ZBTB7C: variants seen among roughly 807,000 people sequenced by gnomAD.
The protein encoded by ZBTB7C is zinc finger and BTB domain-containing protein 7C.
ZBTB7C carries 8 observed loss-of-function variants against 25.7 expected under a neutral mutation model. The observed-to-expected ratio is 0.31, with a 90% CI of 0.18 to 0.56. The LOEUF (loss-of-function observed/expected upper bound fraction) is 0.56. Among genes scored for constraint, ZBTB7C ranks in the 20% least tolerant of loss-of-function variants. The pLI, the probability that ZBTB7C is intolerant of heterozygous loss-of-function variation, is 0.91. For synonymous variants in ZBTB7C, 394 were observed against 369.0 expected (o/e 1.07, Z -0.78); for missense variants, 824 against 855.2 (o/e 0.96, Z 0.46).
At chr18:48,087,360 T>C (rs1271112474) in intron 3 of ZBTB7C, among the ~76,000 whole-genome samples, 1 of 152,268 alleles carries the variant, frequency 6.6e-6, no homozygotes, top group Non-Finnish European at 1.5e-5. Context: ...TCCTGCTGGC[T>C]AGGGCCAGGG....
In ZBTB7C at chr18:48,130,089, G is replaced by A. The variant is rs373036281; in HGVS notation, c.-17+55845C>T. ...TGCAGACAGGGTTAGGGGTGGAGTC[G>A]CCTTACCTACGTGCTGTGAATGCAG... is the stretch of plus-strand genomic sequence containing the variant. On this transcript the variant is annotated intron_variant, in intron 3 of 4. Transcript: ENST00000590800. Among the ~76,000 whole-genome samples, 13 of 152,248 alleles carry A rather than the reference G, an allele frequency of 8.5e-5. No homozygotes were observed. The East Asian group carries it at 9.7e-4, about 11-fold the overall frequency.
At chr18:48,399,405 A>G (rs1055307784) in intron 1 of ZBTB7C, among the ~76,000 whole-genome samples, 1 of 152,258 alleles carries the variant, frequency 6.6e-6, no homozygotes, top group Non-Finnish European at 1.5e-5. Flanking sequence ...AGTAATAAAA[A>G]ATCTGCTTTA....
intron 3 of ZBTB7C, among the ~76,000 whole-genome samples, chr18:48,136,091 G>C (rs181937708): frequency 6.6e-6 from 1 of 152,190 alleles, no homozygotes; most frequent in Non-Finnish European, 1.5e-5. Context: ...CGGCGGGCAG[G>C]GGGGCGTGGG....
At chr18:48,372,963 T>C (rs770875234) in intron 1 of ZBTB7C, among the ~76,000 whole-genome samples, 1 of 152,220 alleles carries the variant, frequency 6.6e-6, no homozygotes, top group African/African-American at 2.4e-5. Context: ...CCTTTCCTCC[T>C]GACCAGAGGC....
intron 3 of ZBTB7C, among the ~76,000 whole-genome samples, chr18:48,053,324 G>A (rs2036773453): frequency 6.6e-6 from 1 of 152,052 alleles, no homozygotes; most frequent in Non-Finnish European, 1.5e-5. Flanking sequence ...GGAATGGACA[G>A]GAACACAACT....
intron 2 of ZBTB7C, among the ~76,000 whole-genome samples, chr18:48,227,309 G>A (rs1306551451): frequency 6.6e-6 from 1 of 152,224 alleles, no homozygotes; most frequent in African/African-American, 2.4e-5. Flanking sequence ...CGGCCTGGCA[G>A]TTTAGAGGGC....
intron 2 of ZBTB7C, among the ~76,000 whole-genome samples, chr18:48,287,920 A>G (rs1428379945): frequency 6.6e-6 from 1 of 152,214 alleles, no homozygotes; most frequent in Non-Finnish European, 1.5e-5. Flanking sequence ...CCCTGACTTG[A>G]TAAGGCCATC....
At chr18:48,181,497 T>C (rs2041921962) in intron 3 of ZBTB7C, among the ~76,000 whole-genome samples, 3 of 152,124 alleles carry the variant, frequency 2.0e-5, no homozygotes, top group African/African-American at 7.2e-5. Context: ...TACCCCCATG[T>C]TATCCTTTCT....
intron 3 of ZBTB7C, among the ~76,000 whole-genome samples, chr18:48,069,753 C>G (rs549855106): frequency 6.6e-6 from 1 of 152,298 alleles, no homozygotes; most frequent in East Asian, 1.9e-4. Flanking sequence ...CCGCTACACT[C>G]TGAGTGGAGC....
intron 4 of ZBTB7C, among the ~76,000 whole-genome samples, chr18:48,037,628 A>G (rs770844237): frequency 6.6e-6 from 1 of 152,208 alleles, no homozygotes; most frequent in Non-Finnish European, 1.5e-5. Context: ...GTGGGGAAGA[A>G]GGGAGATGGG....
intron 1 of ZBTB7C, among the ~76,000 whole-genome samples, chr18:48,353,358 A>C (rs2046905503): frequency 6.6e-6 from 1 of 151,892 alleles, no homozygotes; most frequent in South Asian, 2.1e-4. Context: ...TGTACAGAAA[A>C]CCCTCCTTAT....
chr18:48,206,515 C>G (rs948745684), intron 2 of ZBTB7C, among the ~76,000 whole-genome samples: 2 of 152,042 alleles, frequency 1.3e-5, no homozygotes, highest in African/African-American at 4.8e-5. Context: ...AAAAAATTAG[C>G]TGGGCATGGT....
At chr18:48,162,050 G>A (rs1417159904) in intron 3 of ZBTB7C, among the ~76,000 whole-genome samples, 2 of 152,170 alleles carry the variant, frequency 1.3e-5, no homozygotes, top group South Asian at 2.1e-4. Flanking sequence ...ACCCCGCAGG[G>A]GGCGAGGCGG....
At chr18:48,305,317 A>T (rs1271767653) in intron 2 of ZBTB7C, among the ~76,000 whole-genome samples, 1 of 152,174 alleles carries the variant, frequency 6.6e-6, no homozygotes, top group Non-Finnish European at 1.5e-5. Flanking sequence ...CCAAAACAAA[A>T]GGTTAAATAG....
At chr18:48,250,219 T>A (rs1271455241) in intron 2 of ZBTB7C, among the ~76,000 whole-genome samples, 1 of 152,172 alleles carries the variant, frequency 6.6e-6, no homozygotes, top group Non-Finnish European at 1.5e-5. Flanking sequence ...AGAATGGGAT[T>A]GGGGGTCCAG....
Position 48,074,549 on chromosome 18 carries a change from C to T in ZBTB7C, c.-16-33426G>A, listed in dbSNP as rs78095491. On this transcript the variant is annotated intron_variant, in intron 3 of 4. Transcript: ENST00000590800. Reference sequence around the variant, plus strand: ...GAGAGCCCAGCAGCTCAGAACCGCACAGCCCTGTGTGGGCAGCTGTGTGCT... The same window carrying T: ...GAGAGCCCAGCAGCTCAGAACCGCATAGCCCTGTGTGGGCAGCTGTGTGCT... Among the ~76,000 whole-genome samples the T allele has an allele frequency of 6.7e-3, 1,021 of 152,346 alleles. 13 individuals carry two copies. The highest frequency in any genetic ancestry group is 0.024 in the African/African-American group (982 of 41,570).
At chr18:48,073,515 C>T (rs1466430872) in intron 3 of ZBTB7C, among the ~76,000 whole-genome samples, 4 of 152,110 alleles carry the variant, frequency 2.6e-5, no homozygotes, top group African/African-American at 9.7e-5. Context: ...GGGGCTGGGA[C>T]AGGCGCAGGG....
At chr18:48,198,395 T>A (rs1013123400) in intron 2 of ZBTB7C, among the ~76,000 whole-genome samples, 1 of 152,182 alleles carries the variant, frequency 6.6e-6, no homozygotes, top group Non-Finnish European at 1.5e-5. Flanking sequence ...CCAAGTGGCA[T>A]AAGACAACAC....
chr18:48,169,019 C>G (rs562854870), intron 3 of ZBTB7C, among the ~76,000 whole-genome samples: 1 of 152,334 alleles, frequency 6.6e-6, no homozygotes, highest in Non-Finnish European at 1.5e-5. Flanking sequence ...TGCAACTGGT[C>G]TGGGGCACTT....
Sources: allele counts gnomAD v4.1 joint callset (sites outside exome capture counted in the v4.1 genomes callset), GRCh38; gene constraint gnomAD v4.1.1; transcripts MANE v1.5; gene names NCBI Gene and HGNC (gene_info 2026-07-23, HGNC 2026-07-21).